RIMS2: variants seen among roughly 807,000 people sequenced by gnomAD.
RIMS2 encodes regulating synaptic membrane exocytosis 2, also known as regulating synaptic membrane exocytosis protein 2.
RIMS2 carries 59 observed loss-of-function variants against 174.4 expected under a neutral mutation model. That is an observed-to-expected ratio of 0.34 (90% CI 0.27 to 0.42). The LOEUF (loss-of-function observed/expected upper bound fraction) is 0.42. Ranked by LOEUF, RIMS2 falls within the 10% of genes least tolerant of loss-of-function variation. The pLI is 1.00. For synonymous variants in RIMS2, 606 were observed against 572.5 expected (o/e 1.06, Z -0.84); for missense variants, 1,620 against 1,666.3 (o/e 0.97, Z 0.48).
chr8:103,903,600 G>A (rs1016844785), intron 4 of RIMS2, among the ~76,000 whole-genome samples: 1 of 152,014 alleles, frequency 6.6e-6, no homozygotes, highest in Non-Finnish European at 1.5e-5. Context: ...TTTAGTCAAA[G>A]GTTCAAATTT....
In RIMS2 at chr8:103,915,841, T is replaced by C. The variant is rs572224937; in HGVS notation, c.1912+247T>C. ...CTAATCTGTATCTAATATTAACCTG[T>C]TTTGTTTCCCCTAAGACCTTTTTCT... On this transcript the variant is annotated intron_variant, in intron 7 of 23. Coordinates refer to ENST00000504942, the Ensembl canonical transcript of RIMS2. Among the ~76,000 whole-genome samples, 4 of 152,128 alleles carry C rather than the reference T, an allele frequency of 2.6e-5. No homozygotes were observed. In the East Asian group the frequency reaches 7.7e-4, roughly 29 times the overall value.
intron 19 of RIMS2, among the ~76,000 whole-genome samples, chr8:104,211,913 T>C (rs956018103): frequency 4.6e-5 from 7 of 152,158 alleles, no homozygotes; most frequent in African/African-American, 1.4e-4. Flanking sequence ...TGGATAGTAA[T>C]GAGATCTGTT....
intron 19 of RIMS2, among the ~76,000 whole-genome samples, chr8:104,142,230 C>T (rs1198200843): frequency 1.3e-5 from 2 of 150,880 alleles, no homozygotes; most frequent in Admixed American, 6.6e-5. Context: ...CGGGTTCAAG[C>T]GATTCTCCTG....
chr8:104,004,490 G>A (rs906916407), intron 17 of RIMS2, among the ~76,000 whole-genome samples: 2 of 150,372 alleles, frequency 1.3e-5, no homozygotes, highest in Admixed American at 1.3e-4. Flanking sequence ...CTTTAGCTGG[G>A]GTAATTTTAG....
intron 10 of RIMS2, among the ~76,000 whole-genome samples, chr8:103,923,864 A>T (rs2078208485): frequency 1.3e-5 from 2 of 151,788 alleles, no homozygotes; most frequent in African/African-American, 4.8e-5. Flanking sequence ...AAATATAACC[A>T]TTCACTACAT....
At chr8:103,920,788 G>T (rs918399681) in intron 9 of RIMS2, 19 of 431,320 alleles carry the variant, frequency 4.4e-5, no homozygotes, top group Non-Finnish European at 7.4e-5. Flanking sequence ...AGGAGATCGA[G>T]ACCATCCTGG....
At position 104,228,317 on chromosome 8, in the gene RIMS2, C is replaced by T. The variant is rs529222983; in HGVS notation, c.3335-16599C>T. Among the ~76,000 whole-genome samples the T allele has an allele frequency of 1.7e-4, 26 of 152,152 alleles. No individual in the cohort carries two copies. The East Asian group carries it at 4.8e-3, about 28-fold the overall frequency. ...TGCTGAGATTACAGGCATGAGCCAC[C>T]GTGCCCGGCCTAGCTTCACTCTTTA... On this transcript the variant is annotated intron_variant, in intron 19 of 23. Transcript: ENST00000504942.
intron 19 of RIMS2, among the ~76,000 whole-genome samples, chr8:104,118,027 G>A (rs1342185876): frequency 1.3e-5 from 2 of 152,114 alleles, no homozygotes; most frequent in African/African-American, 4.8e-5. Context: ...GACAGAATAC[G>A]AACTTCTATT....
chr8:103,878,124 G>A (rs1176802817), intron 3 of RIMS2, among the ~76,000 whole-genome samples: 1 of 151,656 alleles, frequency 6.6e-6, no homozygotes, highest in Non-Finnish European at 1.5e-5. Context: ...ATAAATGGTA[G>A]TTTTTCCTGT....
chr8:103,991,884 C>A lies in RIMS2; in HGVS notation c.3044+2463C>A, dbSNP rs77203016. ...TGTAAAATTAGAATATCAGTATCAA[C>A]TTTACTGAGTTGTGTAGATTAAATG... On this transcript the variant is annotated intron_variant, in intron 17 of 23. Coordinates refer to ENST00000504942, the Ensembl canonical transcript of RIMS2. Among the ~76,000 whole-genome samples the A allele has an allele frequency of 3.3e-3, 498 of 152,270 alleles. 19 individuals are homozygous for A. The East Asian group carries it at 0.085, about 26-fold the overall frequency.
chr8:103,771,913 T>C (rs932930230), intron 3 of RIMS2, among the ~76,000 whole-genome samples: 1 of 152,102 alleles, frequency 6.6e-6, no homozygotes, highest in Non-Finnish European at 1.5e-5. Context: ...GCTTAAATGA[T>C]GACGCTTAAT....
At position 104,151,417 on chromosome 8, in the gene RIMS2, AAGTT is replaced by A. The variant is rs2098688325; in HGVS notation, c.3335-93496_3335-93493del. On this transcript the variant is annotated intron_variant, in intron 19 of 23. Coordinates refer to ENST00000504942, the Ensembl canonical transcript of RIMS2. ...AACCCTATCTCTACAAAAAATACAAAAGTTAGCCCCTCATGATGACTTATGCCTG... is the reference window on the plus strand; with the variant it reads ...AACCCTATCTCTACAAAAAATACAAAAGCCCCTCATGATGACTTATGCCTG... Among the ~76,000 whole-genome samples the A allele has an allele frequency of 2.6e-5, 4 of 152,230 alleles. No homozygotes were observed. The South Asian group carries it at 8.3e-4, about 32-fold the overall frequency.
At chr8:104,017,493 A>G (rs1372201009) in intron 19 of RIMS2, among the ~76,000 whole-genome samples, 1 of 152,070 alleles carries the variant, frequency 6.6e-6, no homozygotes. Flanking sequence ...TGTACTAAAA[A>G]CTATAAGGCA....
intron 3 of RIMS2, among the ~76,000 whole-genome samples, chr8:103,799,122 C>T (rs753397565): frequency 1.3e-5 from 2 of 152,102 alleles, no homozygotes; most frequent in Non-Finnish European, 2.9e-5. Context: ...ACAACCACAA[C>T]GTGAATTCTG....
intron 1 of RIMS2, among the ~76,000 whole-genome samples, chr8:103,539,395 A>G (rs1841452696): frequency 6.6e-6 from 1 of 152,218 alleles, no homozygotes; most frequent in Admixed American, 6.5e-5. Context: ...GCTATCCATA[A>G]ACTGAAATAG....
chr8:103,813,867 G>T (rs2098703305), intron 3 of RIMS2, among the ~76,000 whole-genome samples: 2 of 152,090 alleles, frequency 1.3e-5, no homozygotes, highest in Admixed American at 6.5e-5. Flanking sequence ...AAATATATGT[G>T]TGCATGTGTC....
At chr8:103,532,827 C>T (rs1439477841) in intron 1 of RIMS2, among the ~76,000 whole-genome samples, 1 of 151,610 alleles carries the variant, frequency 6.6e-6, no homozygotes, top group Non-Finnish European at 1.5e-5. Context: ...CTAGTGAGTA[C>T]ATATCATGTC....
chr8:104,221,935 C>T (rs559065144), intron 19 of RIMS2, among the ~76,000 whole-genome samples: 38 of 152,290 alleles, frequency 2.5e-4, no homozygotes, highest in African/African-American at 8.2e-4. Flanking sequence ...ATTGCCCTGG[C>T]CTGTCTGCTG....
chr8:103,882,437 A>G (rs958449977), intron 3 of RIMS2, among the ~76,000 whole-genome samples: 3 of 151,550 alleles, frequency 2.0e-5, no homozygotes, highest in Non-Finnish European at 3.0e-5. Context: ...TGATACATGT[A>G]TTGTTAGAAT....
Sources: allele counts gnomAD v4.1 joint callset (sites outside exome capture counted in the v4.1 genomes callset), GRCh38; gene constraint gnomAD v4.1.1; transcripts MANE v1.5; gene names NCBI Gene and HGNC (gene_info 2026-07-23, HGNC 2026-07-21).